AGBL1: variants seen among roughly 807,000 people sequenced by gnomAD.
The protein encoded by AGBL1 is cytosolic carboxypeptidase 4.
AGBL1 carries 130 observed loss-of-function variants against 118.9 expected under a neutral mutation model. The observed-to-expected ratio is 1.09, with a 90% CI of 0.95 to 1.26. The LOEUF is 1.26. Ranked by LOEUF, AGBL1 falls within the 50% of genes most tolerant of loss-of-function variation. AGBL1 has a pLI of 0.00. For synonymous variants in AGBL1, 555 were observed against 478.9 expected, an observed-to-expected ratio of 1.16 and a Z score of -2.08; for missense variants, 1,584 against 1,298.1, an observed-to-expected ratio of 1.22 and a Z score of -3.38.
chr15:86,265,232 T>G (rs1182126597), intron 11 of AGBL1, among the ~76,000 whole-genome samples: 5 of 152,178 alleles, frequency 3.3e-5, no homozygotes, highest in Non-Finnish European at 1.5e-5. Context: ...TCCTACAAAT[T>G]GATAGGGGAT....
intron 22 of AGBL1, among the ~76,000 whole-genome samples, chr15:86,820,651 G>C (rs577659146): frequency 6.6e-6 from 1 of 152,296 alleles, no homozygotes; most frequent in East Asian, 1.9e-4. Flanking sequence ...ATGCCAGTTA[G>C]AATGGCGATC....
chr15:86,974,104 A>G (rs1372963034), intron 23 of AGBL1, among the ~76,000 whole-genome samples: 4 of 59,864 alleles, frequency 6.7e-5, no homozygotes, highest in African/African-American at 2.7e-4. Context: ...AAATATAAAC[A>G]TTTTAATATA....
chr15:86,815,507 T>C (rs531112879), intron 22 of AGBL1, among the ~76,000 whole-genome samples: 1 of 152,232 alleles, frequency 6.6e-6, no homozygotes, highest in South Asian at 2.1e-4. Flanking sequence ...TAGAAAGTTA[T>C]GAAAACTTAA....
chr15:86,407,853 C>T (rs184845338), intron 18 of AGBL1, among the ~76,000 whole-genome samples: 55 of 152,154 alleles, frequency 3.6e-4, no homozygotes, highest in Non-Finnish European at 7.6e-4. Flanking sequence ...GGGAATGATT[C>T]CCTTTCCCAT....
At chr15:86,735,192 C>T (rs940967827) in intron 22 of AGBL1, among the ~76,000 whole-genome samples, 1 of 152,090 alleles carries the variant, frequency 6.6e-6, no homozygotes, top group African/African-American at 2.4e-5. Context: ...AGAGATTCTC[C>T]TGCCTCAACT....
rs1232935587 is a variant in AGBL1 at position 86,792,626 on chromosome 15, CTTTAAAATAATTCT to C, written c.3159-114452_3159-114439del. 3.3e-5 allele frequency among the ~76,000 whole-genome samples: 5 copies of C among 152,004 alleles called. No homozygotes were observed. The South Asian group carries it at 6.2e-4, about 19-fold the overall frequency. ...AGACCTAGTTCTACCTGGCCTGCAC[CTTTAAAATAATTCT>C]TTTAAAATTTAACAATATTAGCGGG... On this transcript the variant is annotated intron_variant, in intron 22 of 22. Transcript: ENST00000614907.
At chr15:86,569,296 T>C (rs1182280700) in intron 21 of AGBL1, among the ~76,000 whole-genome samples, 2 of 151,644 alleles carry the variant, frequency 1.3e-5, no homozygotes, top group African/African-American at 4.8e-5. Flanking sequence ...CCGACCATGG[T>C]GGCACGTGCT....
chr15:86,840,224 C>T (rs780939820), intron 22 of AGBL1, among the ~76,000 whole-genome samples: 12 of 152,152 alleles, frequency 7.9e-5, no homozygotes, highest in Non-Finnish European at 1.5e-4. Context: ...TCTTCTCTCT[C>T]TTAACACTTT....
chr15:86,675,778 C>G (rs748424483), intron 22 of AGBL1, among the ~76,000 whole-genome samples: 2 of 152,118 alleles, frequency 1.3e-5, no homozygotes, highest in African/African-American at 4.8e-5. Context: ...TTCCTTCTTT[C>G]TCTTTTTCCC....
In AGBL1 at chr15:86,912,186, T is replaced by C. The variant is rs1438783021; in HGVS notation, c.*4892T>C. 1 of 152,178 alleles carries C rather than the reference T, an allele frequency of 6.6e-6. No individual in the cohort carries two copies. Among genetic ancestry groups the C allele is most frequent in the Non-Finnish European group, 1.5e-5 (1 of 68,034 alleles). The allele number at this position is 152,178 out of a possible 1,614,324, so 9.4% of individuals were successfully genotyped here. On this transcript the variant is annotated 3_prime_UTR_variant, in exon 23 of 23. Transcript: ENST00000614907. Reference sequence around the variant, plus strand: ...GTGTTGTAGTTTCACTAAAAGGACGTGTAGCACAAGTGCAGCCTGGCCTCT... The same window carrying C: ...GTGTTGTAGTTTCACTAAAAGGACGCGTAGCACAAGTGCAGCCTGGCCTCT...
chr15:86,811,540 G>T (rs1009168657), intron 22 of AGBL1, among the ~76,000 whole-genome samples: 1 of 151,978 alleles, frequency 6.6e-6, no homozygotes, highest in Non-Finnish European at 1.5e-5. Context: ...TCTCTTCCTG[G>T]CCCTGTGTAA....
At chr15:86,871,991 TTCATATC>T (rs2079735775) in intron 22 of AGBL1, among the ~76,000 whole-genome samples, 1 of 152,232 alleles carries the variant, frequency 6.6e-6, no homozygotes, top group Non-Finnish European at 1.5e-5. Context: ...CCCTGTGGTA[TTCATATC>T]TCCATTTTCT....
At chr15:86,683,598 C>T (rs1297801480) in intron 22 of AGBL1, among the ~76,000 whole-genome samples, 1 of 152,134 alleles carries the variant, frequency 6.6e-6, no homozygotes, top group Non-Finnish European at 1.5e-5. Flanking sequence ...ATCTCATTCA[C>T]CTCTGCCTCA....
chr15:86,386,685 C>T (rs574108711), intron 17 of AGBL1, among the ~76,000 whole-genome samples: 16 of 152,182 alleles, frequency 1.1e-4, no homozygotes, highest in Non-Finnish European at 1.9e-4. Flanking sequence ...CTCTTTCAAT[C>T]CCCATTACCT....
At chr15:86,183,764 C>G (rs2077585196) in intron 5 of AGBL1, among the ~76,000 whole-genome samples, 1 of 152,108 alleles carries the variant, frequency 6.6e-6, no homozygotes, top group African/African-American at 2.4e-5. Flanking sequence ...AATGAATCCC[C>G]CAAAAATGCT....
chr15:86,947,676 T>G (rs960601896), intron 23 of AGBL1, among the ~76,000 whole-genome samples: 1 of 152,202 alleles, frequency 6.6e-6, no homozygotes. Flanking sequence ...ATATAGGCAT[T>G]GAGTGAGATC....
chr15:86,885,499 ACT>A (rs566975529), intron 22 of AGBL1, among the ~76,000 whole-genome samples: 7 of 152,084 alleles, frequency 4.6e-5, no homozygotes, highest in Non-Finnish European at 1.0e-4. Context: ...AAAGAGTGAC[ACT>A]CTCTATATCA....
chr15:86,852,366 G>A (rs1173069461), intron 22 of AGBL1, among the ~76,000 whole-genome samples: 1 of 152,162 alleles, frequency 6.6e-6, no homozygotes, highest in Non-Finnish European at 1.5e-5. Flanking sequence ...GAGAGTACAT[G>A]TCCCTCCTTC....
intron 22 of AGBL1, among the ~76,000 whole-genome samples, chr15:86,682,190 G>A (rs941933970): frequency 6.6e-6 from 1 of 152,124 alleles, no homozygotes; most frequent in Admixed American, 6.6e-5. Context: ...ATGTTGGAAT[G>A]GAACTCCGCC....
Sources: gnomAD v4.1 joint callset for allele counts (sites outside exome capture counted in the v4.1 genomes callset) on GRCh38, gnomAD v4.1.1 for gene constraint, MANE v1.5 for transcripts, NCBI Gene and HGNC (gene_info 2026-07-23, HGNC 2026-07-21) for gene names.